Variants in ZNF451 observed in about 807,000 individuals in gnomAD.
The protein encoded by ZNF451 is zinc finger protein 451.
ZNF451 carries 80 observed loss-of-function variants against 107.1 expected under a neutral mutation model. The ratio of observed to expected loss-of-function variants is 0.75; its 90% confidence interval spans 0.62 to 0.90. The LOEUF (loss-of-function observed/expected upper bound fraction) is 0.90. Among genes scored for constraint, ZNF451 ranks in the 40% least tolerant of loss-of-function variants. The pLI, the probability that ZNF451 is intolerant of heterozygous loss-of-function variation, is 0.00. For synonymous variants in ZNF451, 362 were observed against 406.5 expected, an observed-to-expected ratio of 0.89 and a Z score of 1.32; for missense variants, 1,107 against 1,236.2, an observed-to-expected ratio of 0.90 and a Z score of 1.57.
At chr6:57,101,407 G>T in intron 3 of ZNF451, 2 of 1,550,704 alleles carry the variant, frequency 1.3e-6, no homozygotes, top group South Asian at 2.4e-5. Context: ...GGTATATCCT[G>T]TGGCCAAGGA....
Position 57,158,618 on chromosome 6 carries a change from C to G in ZNF451, c.3071-2466C>G, listed in dbSNP as rs948455074. The stretch of plus-strand genomic sequence containing the variant: ...AAAGAAATTCACTAGAAACCTGCCT[C>G]CCATTGCTTCCTCTACCTTTCACTT... On this transcript the variant is annotated intron_variant, in intron 13 of 14. Coordinates refer to ENST00000370706, the MANE Select transcript of ZNF451 (RefSeq NM_001031623.3). The G allele has an allele frequency of 1.0e-5, 10 of 985,298 alleles. No homozygotes were observed. The African/African-American group carries it at 1.4e-4, about 14-fold the overall frequency. 61.0% of individuals were successfully genotyped at this position (985,298 alleles called of 1,614,324 possible). A position where few individuals can be genotyped will look rare whatever the true frequency, so the allele number is the denominator to read the frequency against.
chr6:57,154,083 A>AG, intron 13 of ZNF451, 36 bp downstream of exon 13: 1 of 1,609,716 alleles, frequency 6.2e-7, no homozygotes, highest in Non-Finnish European at 8.5e-7. Flanking sequence ...ACCACCCAAG[A>AG]GGAGGAGACT....
chr6:57,103,534 A>T, intron 3 of ZNF451: 1 of 985,322 alleles, frequency 1.0e-6, no homozygotes, highest in Non-Finnish European at 1.2e-6. Context: ...GATGTATGGT[A>T]TATCAGCCCT....
chr6:57,105,636 G>C, intron 3 of ZNF451: 1 of 985,216 alleles, frequency 1.0e-6, no homozygotes, highest in Non-Finnish European at 1.2e-6. Flanking sequence ...GTTCCTTTTT[G>C]TTATTAGTGA....
chr6:57,138,741 A>ATATATATATGTG (rs1365084616), intron 7 of ZNF451, among the ~76,000 whole-genome samples: 4 of 46,600 alleles, frequency 8.6e-5, no homozygotes, highest in African/African-American at 2.8e-4. Context: ...ATATATATAT[A>ATATATATATGTG]TGTGTGTGTG....
Position 57,133,118 on chromosome 6 carries a change from A to G in ZNF451, c.501A>G (p.Lys167=). The part of the protein sequence containing the change: ...RRGGHTWVSG[K]PILCPIMHCN... ...GAGGCCACACGTGGGTGTCTGGGAA[A>G]CCAATTTTATGTCCTATAATGCACT... The change falls in exon 6 of 15, where the codon AAA becomes AAG. Residue 167 remains lysine, a synonymous_variant. Transcript: ENST00000370706. 1.2e-6 allele frequency: 2 copies of G among 1,614,144 alleles called. No homozygotes were observed. The highest frequency in any genetic ancestry group is 1.7e-6 in the Non-Finnish European group (2 of 1,180,010).
intron 2 of ZNF451, among the ~76,000 whole-genome samples, chr6:57,093,258 A>G (rs541012104): frequency 6.6e-6 from 1 of 152,340 alleles, no homozygotes; most frequent in African/African-American, 2.4e-5. Flanking sequence ...AAACAATACA[A>G]GAGATTCAGG....
chr6:57,101,404 C>T, intron 3 of ZNF451: 1 of 1,550,706 alleles, frequency 6.4e-7, no homozygotes. Context: ...CAGGGTATAT[C>T]CTGTGGCCAA....
chr6:57,094,516 A>G (rs1829199055), intron 2 of ZNF451, among the ~76,000 whole-genome samples: 1 of 152,110 alleles, frequency 6.6e-6, no homozygotes, highest in African/African-American at 2.4e-5. Context: ...AGGGCATGAG[A>G]ATGATGGTTT....
chr6:57,093,176 A>G (rs776347565), intron 2 of ZNF451: 1 of 152,190 alleles, frequency 6.6e-6, no homozygotes, highest in Non-Finnish European at 1.5e-5. Context: ...TGATGATGTG[A>G]TAGTTCACAG....
chr6:57,135,858 A>G (rs1831403173), intron 7 of ZNF451, among the ~76,000 whole-genome samples: 1 of 152,174 alleles, frequency 6.6e-6, no homozygotes, highest in South Asian at 2.1e-4. Flanking sequence ...CCGAATAAAT[A>G]TTAGATTTTG....
chr6:57,125,937 A>G (rs1367896359), intron 4 of ZNF451, among the ~76,000 whole-genome samples: 4 of 152,138 alleles, frequency 2.6e-5, no homozygotes, highest in East Asian at 1.9e-4. Context: ...CCCTAGAACT[A>G]TAAGTATGTT....
At chr6:57,104,014 AC>A in intron 3 of ZNF451, 1 of 985,268 alleles carries the variant, frequency 1.0e-6, no homozygotes. Context: ...TGTAGATTAA[AC>A]TTGAACTAGT....
intron 13 of ZNF451, among the ~76,000 whole-genome samples, chr6:57,156,796 A>G (rs1039475297): frequency 3.9e-5 from 6 of 152,112 alleles, no homozygotes; most frequent in Non-Finnish European, 7.4e-5. Flanking sequence ...ATGGAAGACA[A>G]TTTTTCCATG....
At chr6:57,135,136 G>C (rs1049006677) in intron 7 of ZNF451, among the ~76,000 whole-genome samples, 1 of 152,106 alleles carries the variant, frequency 6.6e-6, no homozygotes, top group African/African-American at 2.4e-5. Flanking sequence ...CCTTGTTCAA[G>C]ATGCTCTGAG....
At chr6:57,104,041 A>G in intron 3 of ZNF451, 1 of 985,074 alleles carries the variant, frequency 1.0e-6, no homozygotes. Context: ...TAAAGGGGAT[A>G]TTGTTTTGCA....
intron 13 of ZNF451, chr6:57,159,103 A>T: frequency 1.0e-6 from 1 of 985,380 alleles, no homozygotes; most frequent in Non-Finnish European, 1.2e-6. Context: ...GGGCACCATT[A>T]TAAAAATATG....
chr6:57,159,328 T>C lies in ZNF451; in HGVS notation c.3071-1756T>C, dbSNP rs1018466913. The C allele has an allele frequency of 6.1e-6, 6 of 985,286 alleles. No individual in the cohort carries two copies. In the East Asian group the frequency reaches 4.5e-4, roughly 74 times the overall value. The allele number at this position is 985,286 out of a possible 1,614,324, so 61.0% of individuals were successfully genotyped here. A position where few individuals can be genotyped will look rare whatever the true frequency, so the allele number is the denominator to read the frequency against. ...GCCTTGCATGCAATGATGAATTGTT[T>C]GGATGAGTTATAACATGCTGCTTTT... On this transcript the variant is annotated intron_variant, in intron 13 of 14. Coordinates refer to ENST00000370706, the MANE Select transcript of ZNF451 (RefSeq NM_001031623.3).
intron 3 of ZNF451, chr6:57,101,718 A>G (rs1269439403): frequency 4.5e-6 from 7 of 1,550,558 alleles, no homozygotes; most frequent in Middle Eastern, 1.7e-4. Context: ...GCCTTTGGCA[A>G]CTTTGTACTA....
Sources: allele counts gnomAD v4.1 joint callset (sites outside exome capture counted in the v4.1 genomes callset), GRCh38; gene constraint gnomAD v4.1.1; transcripts MANE v1.5; gene names NCBI Gene and HGNC (gene_info 2026-07-23, HGNC 2026-07-21).